GRIPAP1: variants seen among roughly 807,000 people sequenced by gnomAD.
The protein encoded by GRIPAP1 is GRIP1 associated protein 1.
GRIPAP1 carries 14 observed loss-of-function variants against 84.1 expected under a neutral mutation model. That is an observed-to-expected ratio of 0.17 (90% CI 0.11 to 0.26). The LOEUF is 0.26. Ranked by LOEUF, GRIPAP1 falls within the 10% of genes least tolerant of loss-of-function variation. The pLI is 1.00. For missense variants in GRIPAP1, 518 were observed against 674.2 expected (o/e 0.77, Z 2.57); for synonymous variants, 261 against 256.8 (o/e 1.02, Z -0.15).
chrX:48,996,565 C>A (rs782212284), intron 5 of GRIPAP1, among the ~76,000 whole-genome samples: 1 of 112,560 alleles, frequency 8.9e-6, no homozygotes, highest in East Asian at 2.8e-4. Context: ...ATCGCTTGAA[C>A]CCAGGAGGCA....
intron 13 of GRIPAP1, among the ~76,000 whole-genome samples, chrX:48,985,858 A>G (rs1177622788): frequency 6.3e-5 from 7 of 110,495 alleles, no homozygotes; most frequent in Non-Finnish European, 1.1e-4. Context: ...AGAGAGAGAG[A>G]AAAAAAAGAG....
At chrX:49,001,719 C>T (rs782593122) in intron 1 of GRIPAP1, among the ~76,000 whole-genome samples, 41 of 110,273 alleles carry the variant, frequency 3.7e-4, no homozygotes, top group South Asian at 2.7e-3. Context: ...TCCCCGGGCA[C>T]AGTGGTATCT....
intron 4 of GRIPAP1, chrX:48,997,879 T>G (rs1369482094): frequency 5.8e-5 from 18 of 312,815 alleles, no homozygotes; most frequent in Non-Finnish European, 9.6e-5. Context: ...AAGAGAAGAT[T>G]GGGAAGAGAA....
chrX:48,979,671 G>A (rs1416319388), intron 21 of GRIPAP1, among the ~76,000 whole-genome samples: 2 of 104,813 alleles, frequency 1.9e-5, no homozygotes, highest in Admixed American at 2.1e-4. Context: ...GAGTACAATG[G>A]CGCAATCTCG....
chrX:48,993,228 C>T (rs2064529566), intron 6 of GRIPAP1, among the ~76,000 whole-genome samples, 200 bp downstream of exon 6: 3 of 113,160 alleles, frequency 2.7e-5, no homozygotes, highest in African/African-American at 9.6e-5. Flanking sequence ...CTACAATCTT[C>T]TGGGTGACAG....
intron 4 of GRIPAP1, among the ~76,000 whole-genome samples, chrX:48,997,751 G>T (rs1323830439): frequency 1.9e-5 from 2 of 107,086 alleles, no homozygotes; most frequent in Non-Finnish European, 3.9e-5. Context: ...GAAGAGGAGG[G>T]GTCAGGAAAA....
At chrX:48,979,248 C>A (rs2064439996) in intron 21 of GRIPAP1, among the ~76,000 whole-genome samples, 1 of 108,765 alleles carries the variant, frequency 9.2e-6, no homozygotes, top group African/African-American at 3.3e-5. Context: ...GAGGCCGAGG[C>A]GGGCAGATCA....
At chrX:49,002,158 C>A in intron 1 of GRIPAP1, 30 bp downstream of exon 1, 1 of 1,084,744 alleles carries the variant, frequency 9.2e-7, no homozygotes. Flanking sequence ...GGTCGCCTAG[C>A]CGGGTGGTCT....
At chrX:49,001,726 A>G (rs1557068654) in intron 1 of GRIPAP1, among the ~76,000 whole-genome samples, 1 of 109,611 alleles carries the variant, frequency 9.1e-6, no homozygotes, top group African/African-American at 3.3e-5. Context: ...GCACAGTGGT[A>G]TCTCCCCCAA....
intron 3 of GRIPAP1, chrX:48,998,960 A>G: frequency 3.0e-6 from 1 of 333,948 alleles, no homozygotes; most frequent in Non-Finnish European, 5.2e-6. Flanking sequence ...AGATTTACTG[A>G]TAGATTTGAA....
intron 6 of GRIPAP1, among the ~76,000 whole-genome samples, chrX:48,992,210 T>C (rs1435491853): frequency 2.7e-5 from 3 of 112,262 alleles, no homozygotes; most frequent in Admixed American, 9.4e-5. Flanking sequence ...TTTGCCATGT[T>C]GGCCAGGCTG....
Position 48,991,110 on chromosome X carries a change from G to A in GRIPAP1, c.458C>T (p.Ala153Val). The change falls in exon 7 of 26, where the codon GCC becomes GTC. Residue 153 changes from alanine to valine, a missense_variant and splice_region_variant. Coordinates refer to ENST00000376423, the MANE Select transcript of GRIPAP1 (RefSeq NM_020137.5). ...TTCTTTCCCATAGCGTTCCTGCAGG[G>A]CTGGTGAGTAGAACAGGGATATATG... ...ENTALQKNVA[A>V]LQERYGKEAG... 8.5e-7 allele frequency: 1 copy of A among 1,177,374 alleles called. No homozygotes were observed. Among genetic ancestry groups the A allele is most frequent in the Non-Finnish European group, 1.2e-6 (1 of 863,765 alleles).
chrX:48,978,143 G>T, intron 22 of GRIPAP1, 162 bp downstream of exon 22: 1 of 483,814 alleles, frequency 2.1e-6, no homozygotes, highest in Non-Finnish European at 3.6e-6. Flanking sequence ...CCTGCATGTC[G>T]CAATCTGAAT....
intron 6 of GRIPAP1, chrX:48,991,418 C>T (rs977264228): frequency 7.9e-6 from 2 of 254,717 alleles, no homozygotes; most frequent in Non-Finnish European, 1.4e-5. Context: ...TAGCTGGGAT[C>T]AGAGGTGTGT....
chrX:48,998,319 G>A (rs1406872691), intron 3 of GRIPAP1, 139 bp from the exon 4 acceptor site: 1 of 474,756 alleles, frequency 2.1e-6, no homozygotes, highest in Non-Finnish European at 3.8e-6. Flanking sequence ...TTCAACCACA[G>A]AACATGTGTG....
intron 13 of GRIPAP1, among the ~76,000 whole-genome samples, chrX:48,986,541 G>T (rs1385407199): frequency 1.9e-5 from 2 of 107,478 alleles, no homozygotes; most frequent in African/African-American, 6.8e-5. Flanking sequence ...ACAGGTGTGC[G>T]CCACCATGCC....
At chrX:48,988,300 C>T (rs1557064548) in intron 11 of GRIPAP1, 102 bp from the exon 12 acceptor site, 2 of 563,107 alleles carry the variant, frequency 3.6e-6, no homozygotes, top group South Asian at 2.6e-5. Flanking sequence ...GTTCTCAGCA[C>T]CTGTGGGTCT....
rs1557059752 is a variant in GRIPAP1, at chrX:48,974,213, C to G, written c.2506G>C (p.Glu836Gln). 8.3e-7 allele frequency: 1 copy of G among 1,204,881 alleles called. No individual in the cohort carries two copies. The highest frequency in any genetic ancestry group is 3.0e-5 in the East Asian group (1 of 33,835). ...GGTCTTTAGCTGGTTTCTCCTGGCT[C>G]TAGGTCTGGGTCAGGAGGCCCCACG... Reference protein sequence around the residue: ...ECVGPPDPDLEPGETS With the variant: ...ECVGPPDPDLQPGETS The change falls in exon 26 of 26, where the codon GAG becomes CAG. Residue 836 changes from glutamate to glutamine, a missense_variant. Transcript: ENST00000376423.
At chrX:49,001,333 T>G in intron 1 of GRIPAP1, among the ~76,000 whole-genome samples, 1 of 97,861 alleles carries the variant, frequency 1.0e-5, no homozygotes, top group Non-Finnish European at 2.1e-5. Flanking sequence ...GTTCCTCCCC[T>G]CCCCATGCAG....
Sources: gnomAD v4.1 joint callset for allele counts (sites outside exome capture counted in the v4.1 genomes callset) on GRCh38, gnomAD v4.1.1 for gene constraint, MANE v1.5 for transcripts, NCBI Gene and HGNC (gene_info 2026-07-23, HGNC 2026-07-21) for gene names.